RALA: variants seen among roughly 807,000 people sequenced by gnomAD.
RALA encodes the protein RAS like proto-oncogene A.
RALA carries 5 observed loss-of-function variants against 24.0 expected under a neutral mutation model. The observed-to-expected ratio is 0.21, with a 90% CI of 0.11 to 0.44. RALA has a LOEUF of 0.44. Among genes scored for constraint, RALA ranks in the 20% least tolerant of loss-of-function variants. RALA has a pLI of 0.99. For synonymous variants in RALA, 77 were observed against 83.8 expected (o/e 0.92, Z 0.44); for missense variants, 95 against 241.2 (o/e 0.39, Z 4.01).
intron 1 of RALA, among the ~76,000 whole-genome samples, chr7:39,630,979 A>G (rs1008186024): frequency 1.3e-5 from 2 of 150,410 alleles, no homozygotes; most frequent in African/African-American, 2.4e-5. Context: ...GTCTAAGTCT[A>G]TGAAACAATT....
Position 39,648,345 on chromosome 7 carries a change from A to G in RALA, c.-38+24520A>G, listed in dbSNP as rs17416701. On this transcript the variant is annotated intron_variant, in intron 1 of 4. Coordinates refer to ENST00000005257, the MANE Select transcript of RALA (RefSeq NM_005402.4). ...AATCCAGAGCTTTATGTTTAAAAAC[A>G]GTGTGAAAATGAAAAAGGAGTTAAT... Among the ~76,000 whole-genome samples, 1,278 of 152,256 alleles carry G rather than the reference A, an allele frequency of 8.4e-3. 14 individuals carry two copies. Among genetic ancestry groups the G allele is most frequent in the Middle Eastern group, 0.048 (14 of 294 alleles).
chr7:39,697,225 A>C (rs1792936750), intron 4 of RALA, among the ~76,000 whole-genome samples: 1 of 152,154 alleles, frequency 6.6e-6, no homozygotes, highest in Non-Finnish European at 1.5e-5. Context: ...ACATCTACCC[A>C]ACCCCACTTA....
Position 39,690,094 on chromosome 7 carries a change from A to G in RALA, c.115-288A>G, listed in dbSNP as rs1261129707. Among the ~76,000 whole-genome samples, 17 of 152,244 alleles carry G rather than the reference A, an allele frequency of 1.1e-4. 2 individuals are homozygous for G. The highest frequency in any genetic ancestry group is 1.1e-3 in the Admixed American group (17 of 15,288). On this transcript the variant is annotated intron_variant, in intron 2 of 4. Coordinates refer to ENST00000005257, the MANE Select transcript of RALA (RefSeq NM_005402.4). Reference sequence around the variant, plus strand: ...AAGACTATTATAAATTTGGTAAAATATATGTGTAATAGTTTTTGCAGGTAT... The same window carrying G: ...AAGACTATTATAAATTTGGTAAAATGTATGTGTAATAGTTTTTGCAGGTAT...
chr7:39,678,472 A>G (rs551164982), intron 1 of RALA, among the ~76,000 whole-genome samples: 1 of 152,354 alleles, frequency 6.6e-6, no homozygotes, highest in African/African-American at 2.4e-5. Flanking sequence ...TCGTATGAGC[A>G]TGGTGTAGTT....
In RALA at chr7:39,655,569, G is replaced by T. The variant is rs552460755; in HGVS notation, c.-37-31062G>T. ...GCTAGATAAGCTTTTGATAACCAAG[G>T]TTTTTCTTTTCCCATTTCTTAATTT... On this transcript the variant is annotated intron_variant, in intron 1 of 4. Transcript: ENST00000005257. 1.6e-4 allele frequency among the ~76,000 whole-genome samples: 25 copies of T among 152,020 alleles called. No individual in the cohort carries two copies. The East Asian group carries it at 4.8e-3, about 29-fold the overall frequency.
chr7:39,659,525 G>A (rs766740599), intron 1 of RALA, among the ~76,000 whole-genome samples: 8 of 151,968 alleles, frequency 5.3e-5, no homozygotes, highest in Non-Finnish European at 8.8e-5. Context: ...GCTGTAGTTC[G>A]TTATTAACTT....
At chr7:39,672,316 A>G (rs369385919) in intron 1 of RALA, among the ~76,000 whole-genome samples, 4 of 152,198 alleles carry the variant, frequency 2.6e-5, no homozygotes, top group Non-Finnish European at 4.4e-5. Context: ...GCTCAACATG[A>G]TTAGTTATTA....
intron 1 of RALA, among the ~76,000 whole-genome samples, chr7:39,624,784 A>G (rs891519010): frequency 2.6e-5 from 4 of 152,208 alleles, no homozygotes; most frequent in African/African-American, 9.6e-5. Flanking sequence ...CAACCTTTAT[A>G]AAACATGTAT....
intron 1 of RALA, among the ~76,000 whole-genome samples, chr7:39,667,156 A>G (rs1161116667): frequency 6.6e-6 from 1 of 152,182 alleles, no homozygotes; most frequent in African/African-American, 2.4e-5. Context: ...GTTGGTATTG[A>G]AAAATAGTAT....
chr7:39,634,877 A>C (rs956160476), intron 1 of RALA, among the ~76,000 whole-genome samples: 1 of 151,920 alleles, frequency 6.6e-6, no homozygotes, highest in African/African-American at 2.4e-5. Flanking sequence ...TAAAGTTTCT[A>C]CTTATCTGGT....
At position 39,707,179 on chromosome 7, in the gene RALA, C is replaced by CT. The variant is rs1429854783; in HGVS notation, c.*935dup. On this transcript the variant is annotated 3_prime_UTR_variant, in exon 5 of 5. Transcript: ENST00000005257. ...ATGTTTGAATGAACCCTCCTTTTCT[C>CT]TGAGATTCTGGTCCCTGGAAATCCC... 7 of 152,506 alleles carry CT rather than the reference C, an allele frequency of 4.6e-5. No homozygotes were observed. The highest frequency in any genetic ancestry group is 1.7e-4 in the African/African-American group (7 of 41,556). 9.4% of individuals were successfully genotyped at this position (152,506 alleles called of 1,614,324 possible).
At chr7:39,673,419 G>A (rs115860683) in intron 1 of RALA, among the ~76,000 whole-genome samples, 456 of 152,128 alleles carry the variant, frequency 3.0e-3, no homozygotes, top group African/African-American at 0.01. Flanking sequence ...ATTTATTCAA[G>A]TCATGCTTTA....
chr7:39,635,540 A>G (rs766694259), intron 1 of RALA, among the ~76,000 whole-genome samples: 11 of 151,810 alleles, frequency 7.2e-5, no homozygotes, highest in Non-Finnish European at 1.2e-4. Context: ...CTACTAATCT[A>G]TTTTCTCTCT....
chr7:39,686,543 T>C, intron 1 of RALA, 88 bp from the exon 2 acceptor site: 1 of 702,228 alleles, frequency 1.4e-6, no homozygotes, highest in South Asian at 2.0e-5. Context: ...AAAACTAGTA[T>C]ATTGAACTCT....
chr7:39,660,400 A>G (rs17507811), intron 1 of RALA, among the ~76,000 whole-genome samples: 9,417 of 152,248 alleles, frequency 0.062, 383 homozygotes, highest in Non-Finnish European at 0.087. Flanking sequence ...TTAGAAATAC[A>G]TAACACTTAT....
intron 1 of RALA, among the ~76,000 whole-genome samples, chr7:39,658,049 G>A (rs746390886): frequency 1.3e-5 from 2 of 152,112 alleles, no homozygotes; most frequent in African/African-American, 2.4e-5. Context: ...ATTCTAGTCC[G>A]TATTCTTGAT....
At chr7:39,670,289 G>T (rs1792357132) in intron 1 of RALA, among the ~76,000 whole-genome samples, 1 of 152,274 alleles carries the variant, frequency 6.6e-6, no homozygotes, top group Non-Finnish European at 1.5e-5. Context: ...AGGACTACGG[G>T]CGTGTGCCAC....
chr7:39,672,921 C>T (rs1792415034), intron 1 of RALA, among the ~76,000 whole-genome samples: 2 of 152,194 alleles, frequency 1.3e-5, no homozygotes, highest in African/African-American at 2.4e-5. Flanking sequence ...TATCAAAACT[C>T]ATTAAACTAT....
chr7:39,701,910 A>G (rs1476942797), intron 4 of RALA, among the ~76,000 whole-genome samples: 1 of 152,204 alleles, frequency 6.6e-6, no homozygotes, highest in Non-Finnish European at 1.5e-5. Context: ...TGACCTTGTT[A>G]TTATCCTTCT....
Sources: allele counts gnomAD v4.1 joint callset (sites outside exome capture counted in the v4.1 genomes callset), GRCh38; gene constraint gnomAD v4.1.1; transcripts MANE v1.5; gene names NCBI Gene and HGNC (gene_info 2026-07-23, HGNC 2026-07-21).